TGFBI: variants seen among roughly 807,000 people sequenced by gnomAD.
TGFBI encodes the protein transforming growth factor beta induced, also known as transforming growth factor-beta-induced protein ig-h3.
In TGFBI, 50 loss-of-function variants were observed where a neutral mutation model predicts 73.7. The observed-to-expected ratio is 0.68, with a 90% confidence interval of 0.54 to 0.86. The LOEUF is 0.86. Ranked by LOEUF, TGFBI falls within the 40% of genes least tolerant of loss-of-function variation. The probability of loss-of-function intolerance (pLI) is 0.00; values close to 1 mark genes in which losing one functional copy is unlikely to be tolerated. For synonymous variants in TGFBI, 362 were observed against 360.5 expected, an observed-to-expected ratio of 1.00 and a Z score of -0.05; for missense variants, 839 against 877.0, an observed-to-expected ratio of 0.96 and a Z score of 0.55.
At chr5:136,055,109 C>A (rs761970354) in intron 10 of TGFBI, 31 of 471,510 alleles carry the variant, frequency 6.6e-5, no homozygotes, top group Middle Eastern at 5.7e-4. Context: ...GGAATAAGTC[C>A]TTCTTGAATT....
At chr5:136,042,767 G>A (rs1481972788) in intron 2 of TGFBI, among the ~76,000 whole-genome samples, 1 of 152,152 alleles carries the variant, frequency 6.6e-6, no homozygotes, top group Non-Finnish European at 1.5e-5. Flanking sequence ...CTGGCCACCT[G>A]AGCATCTTAG....
At chr5:136,056,544 A>G (rs1237209114) in intron 11 of TGFBI, 121 bp from the exon 12 acceptor site, 1 of 1,336,426 alleles carries the variant, frequency 7.5e-7, no homozygotes, top group Admixed American at 1.9e-5. Flanking sequence ...TGTGCATTCC[A>G]GTGGCCTGGA....
chr5:136,032,362 G>A (rs1007335119), intron 1 of TGFBI, among the ~76,000 whole-genome samples: 7 of 152,156 alleles, frequency 4.6e-5, no homozygotes, highest in African/African-American at 9.7e-5. Flanking sequence ...TCATATCACC[G>A]CAGAAGAGAC....
rs572433779 is a variant in TGFBI, at chr5:136,049,664, C to T, written c.913+84C>T. ...CCTGCTCTGGTCCAAGATGAACATA[C>T]CACCTGCCATGAGGTGACCCTCAGG... On this transcript the variant is annotated intron_variant, in intron 7 of 16. Coordinates refer to ENST00000442011, the MANE Select transcript of TGFBI (RefSeq NM_000358.3). The T allele has an allele frequency of 5.8e-5, 87 of 1,489,962 alleles. No homozygotes were observed. In the African/African-American group the frequency reaches 1.0e-3, roughly 18 times the overall value. 92.3% of individuals were successfully genotyped at this position (1,489,962 alleles called of 1,614,324 possible). A position where few individuals can be genotyped will look rare whatever the true frequency, so the allele number is the denominator to read the frequency against.
At position 136,055,725 on chromosome 5, in the gene TGFBI, G is replaced by A. The variant is rs746961065; in HGVS notation, c.1456G>A (p.Gly486Arg). 6.2e-7 allele frequency: 1 copy of A among 1,611,308 alleles called. No individual in the cohort carries two copies. Residue 486 changes from glycine to arginine, a missense_variant, in exon 11 of 17, where the codon GGG (glycine) becomes AGG (arginine). Physicochemically the swap from Gly to Arg is moderately radical, Grantham distance 125. Coordinates refer to ENST00000442011, the MANE Select transcript of TGFBI (RefSeq NM_000358.3). ...NSCIAAHDKR[G>R]RYGTLFTMDR... ...CTGCATCGCGGCCCACGACAAGAGGGGGAGGTACGGGACCCTGTTCACGAT... is the reference window on the plus strand; with the variant it reads ...CTGCATCGCGGCCCACGACAAGAGGAGGAGGTACGGGACCCTGTTCACGAT...
At chr5:136,032,038 C>G in intron 1 of TGFBI, among the ~76,000 whole-genome samples, 2 of 152,148 alleles carry the variant, frequency 1.3e-5, no homozygotes, top group Non-Finnish European at 2.9e-5. Context: ...GATTGAAGAG[C>G]TTCTGGGATT....
intron 15 of TGFBI, 83 bp from the exon 16 acceptor site, chr5:136,062,580 G>T (rs2126918627): frequency 2.2e-6 from 3 of 1,388,252 alleles, no homozygotes; most frequent in Non-Finnish European, 3.0e-6. Context: ...CTGAGTAGGG[G>T]TGGCAATGGG....
At chr5:136,031,450 G>A (rs777995427) in intron 1 of TGFBI, among the ~76,000 whole-genome samples, 11 of 152,232 alleles carry the variant, frequency 7.2e-5, no homozygotes, top group African/African-American at 1.4e-4. Context: ...CTCGATTGCC[G>A]CTTTTGCTTT....
chr5:136,042,288 G>A (rs1009378647), intron 2 of TGFBI, among the ~76,000 whole-genome samples: 3 of 152,162 alleles, frequency 2.0e-5, no homozygotes, highest in Admixed American at 6.5e-5. Flanking sequence ...GACTAGAATC[G>A]TGAGTGTGAG....
chr5:136,058,555 G>A (rs1266091623), intron 12 of TGFBI, among the ~76,000 whole-genome samples: 1 of 152,142 alleles, frequency 6.6e-6, no homozygotes, highest in Non-Finnish European at 1.5e-5. Context: ...CGGCTCCATG[G>A]CTCCTCCACA....
intron 12 of TGFBI, among the ~76,000 whole-genome samples, chr5:136,057,122 C>T (rs1001011684): frequency 5.3e-5 from 8 of 152,044 alleles, no homozygotes; most frequent in African/African-American, 1.9e-4. Context: ...GCAAGGGGGA[C>T]CACTCAGCGC....
At chr5:136,037,768 G>T (rs764683273) in intron 2 of TGFBI, among the ~76,000 whole-genome samples, 1 of 152,190 alleles carries the variant, frequency 6.6e-6, no homozygotes, top group African/African-American at 2.4e-5. Flanking sequence ...TACTCCTTCA[G>T]CACTGCATTA....
intron 10 of TGFBI, 26 bp from the exon 11 acceptor site, chr5:136,055,650 CCTTT>C (rs768837568): frequency 1.3e-4 from 196 of 1,549,814 alleles, no homozygotes; most frequent in Non-Finnish European, 1.7e-4. Context: ...TATAACCAGT[CCTTT>C]CTTTCTCTGT....
At chr5:136,055,365 A>G in intron 10 of TGFBI, 2 of 262,436 alleles carry the variant, frequency 7.6e-6, no homozygotes, top group African/African-American at 2.2e-5. Context: ...TCTGTTAAAC[A>G]AAGAAATAAA....
In TGFBI at chr5:136,059,157, C is replaced by T. The variant is rs751257072; in HGVS notation, c.1746C>T (p.Gly582=). Residue 582 remains glycine (G), a synonymous_variant, in exon 13 of 17, where the codon GGC becomes GGT. Transcript: ENST00000442011. ...GTGATGAAATCCTGGTTAGCGGAGG[C>T]ATCGGGGCCCTGGTGCGGCTAAAGT... is the stretch of plus-strand genomic sequence containing the variant. The part of the protein sequence containing the change: ...HIGDEILVSG[G]IGALVRLKSL... 17 of 1,611,100 alleles carry T rather than the reference C, an allele frequency of 1.1e-5. No homozygotes were observed. The highest frequency in any genetic ancestry group is 1.4e-5 in the Non-Finnish European group (16 of 1,178,950).
intron 13 of TGFBI, among the ~76,000 whole-genome samples, chr5:136,060,485 C>T (rs1205096674): frequency 3.9e-5 from 6 of 152,066 alleles, no homozygotes; most frequent in East Asian, 1.9e-4. Flanking sequence ...CCAAAGTGGG[C>T]GGATCATCTG....
At chr5:136,047,612 C>T in intron 6 of TGFBI, 192 bp downstream of exon 6, 2 of 685,780 alleles carry the variant, frequency 2.9e-6, no homozygotes, top group South Asian at 1.9e-5. Context: ...CTGTGAAATT[C>T]TCCATCTTCT....
chr5:136,051,545 A>T (rs2126912101), intron 7 of TGFBI, among the ~76,000 whole-genome samples: 1 of 152,302 alleles, frequency 6.6e-6, no homozygotes, highest in East Asian at 1.9e-4. Context: ...CTACTCACTA[A>T]CCAGCTGGTT....
At chr5:136,047,233 C>G (rs1000336005) in intron 5 of TGFBI, 41 bp from the exon 6 acceptor site, 49 of 1,609,534 alleles carry the variant, frequency 3.0e-5, no homozygotes, top group Non-Finnish European at 3.9e-5. Flanking sequence ...GACTATGCCT[C>G]TGTTGTGTTG....
Sources: allele counts gnomAD v4.1 joint callset (sites outside exome capture counted in the v4.1 genomes callset), GRCh38; gene constraint gnomAD v4.1.1; transcripts MANE v1.5; gene names NCBI Gene and HGNC (gene_info 2026-07-23, HGNC 2026-07-21).